CRTC3: variants seen among roughly 807,000 people sequenced by gnomAD.
CRTC3 encodes CREB-regulated transcription coactivator 3.
A neutral mutation model predicts 74.5 loss-of-function variants in CRTC3; 26 were observed. The observed-to-expected ratio is 0.35, with a 90% CI of 0.26 to 0.48. CRTC3 has a LOEUF of 0.48. Among genes scored for constraint, CRTC3 ranks in the 20% least tolerant of loss-of-function variants. The probability of loss-of-function intolerance (pLI) is 0.99; values close to 1 mark genes in which losing one functional copy is unlikely to be tolerated. For synonymous variants in CRTC3, 377 were observed against 325.8 expected (o/e 1.16, Z -1.69); for missense variants, 760 against 787.3 (o/e 0.97, Z 0.41).
intron 11 of CRTC3, among the ~76,000 whole-genome samples, chr15:90,632,543 A>G (rs2151094567): frequency 6.6e-6 from 1 of 152,330 alleles, no homozygotes; most frequent in South Asian, 2.1e-4. Context: ...CCCTCTCGTT[A>G]GGCATATTCC....
intron 4 of CRTC3, among the ~76,000 whole-genome samples, chr15:90,603,959 G>C (rs1240988102): frequency 6.6e-6 from 1 of 152,092 alleles, no homozygotes; most frequent in Non-Finnish European, 1.5e-5. Flanking sequence ...TCCAAGAAAT[G>C]TCTTCTGCTT....
chr15:90,626,796 G>A (rs1968850509), intron 10 of CRTC3, among the ~76,000 whole-genome samples: 1 of 152,106 alleles, frequency 6.6e-6, no homozygotes, highest in Non-Finnish European at 1.5e-5. Context: ...TGTATTTTTA[G>A]TAGAGACAGG....
chr15:90,636,724 C>T lies in CRTC3; in HGVS notation c.1267-1722C>T, dbSNP rs1378527034. 2.0e-5 allele frequency among the ~76,000 whole-genome samples: 3 copies of T among 152,130 alleles called. No individual in the cohort carries two copies. The South Asian group carries it at 6.2e-4, about 32-fold the overall frequency. The stretch of plus-strand genomic sequence containing the variant: ...ATTTACAAGAAAAAAACAAACAACC[C>T]CATCAAAAAGTGGGCGAAGGATATG... On this transcript the variant is annotated intron_variant, in intron 11 of 14. Transcript: ENST00000268184.
At chr15:90,576,218 A>G (rs1466347427) in intron 2 of CRTC3, among the ~76,000 whole-genome samples, 2 of 152,154 alleles carry the variant, frequency 1.3e-5, no homozygotes, top group Non-Finnish European at 2.9e-5. Context: ...AGCCTAGGCA[A>G]CACAATGAGA....
intron 2 of CRTC3, among the ~76,000 whole-genome samples, chr15:90,546,017 CAA>C (rs1966843741): frequency 1.3e-5 from 2 of 152,064 alleles, no homozygotes; most frequent in Admixed American, 1.3e-4. Context: ...TTCATTTTCT[CAA>C]GTCTCGAAGA....
rs1212235702 is a variant in CRTC3, at chr15:90,643,235, G to A, written c.*1095G>A. Reference sequence around the variant, plus strand: ...CAGCGCATGATGAATGAGTGCGTCCGCCATGCCGTAAGGCAGGCTCACCTG... The same window carrying A: ...CAGCGCATGATGAATGAGTGCGTCCACCATGCCGTAAGGCAGGCTCACCTG... On this transcript the variant is annotated 3_prime_UTR_variant, in exon 15 of 15. Coordinates refer to ENST00000268184, the MANE Select transcript of CRTC3 (RefSeq NM_022769.5). The A allele has an allele frequency of 4.3e-6, 1 of 232,388 alleles. No individual in the cohort carries two copies. Among genetic ancestry groups the A allele is most frequent in the Non-Finnish European group, 8.5e-6 (1 of 117,530 alleles). The allele number at this position is 232,388 out of a possible 1,614,324, so 14.4% of individuals were successfully genotyped here.
At chr15:90,541,424 T>C (rs1007404244) in intron 2 of CRTC3, among the ~76,000 whole-genome samples, 2 of 152,164 alleles carry the variant, frequency 1.3e-5, no homozygotes, top group African/African-American at 4.8e-5. Flanking sequence ...TAATGGTGAT[T>C]AGAAAAAGTA....
intron 2 of CRTC3, among the ~76,000 whole-genome samples, chr15:90,591,908 C>A (rs1265632496): frequency 6.6e-6 from 1 of 152,204 alleles, no homozygotes; most frequent in Non-Finnish European, 1.5e-5. Context: ...ATAGAGTATT[C>A]CATTGTCTGA....
At chr15:90,537,457 C>T (rs907394750) in intron 1 of CRTC3, among the ~76,000 whole-genome samples, 2 of 152,220 alleles carry the variant, frequency 1.3e-5, no homozygotes, top group African/African-American at 4.8e-5. Context: ...CATCTCGGCT[C>T]ACGGCAAGCT....
intron 9 of CRTC3, 26 bp from the exon 10 acceptor site, chr15:90,625,750 G>C: frequency 6.3e-7 from 1 of 1,596,288 alleles, no homozygotes. Flanking sequence ...ATTGTAGAAA[G>C]TCATTCTTAA....
In CRTC3 at chr15:90,530,311, C is replaced by T. The variant is rs1966604561; in HGVS notation, c.132+108C>T. 1 of 657,576 alleles carries T rather than the reference C, an allele frequency of 1.5e-6. No homozygotes were observed. The allele number at this position is 657,576 out of a possible 1,614,324, so 40.7% of individuals were successfully genotyped here. ...GGCGATGGCGGGGCCGGGCGGGGGCCGCGCCCGGGAACCGGCGGCTGGGAG... is the reference window on the plus strand; with the variant it reads ...GGCGATGGCGGGGCCGGGCGGGGGCTGCGCCCGGGAACCGGCGGCTGGGAG... On this transcript the variant is annotated intron_variant, in intron 1 of 14. Transcript: ENST00000268184. The surrounding 1 kb of genome is among the most constrained non-coding windows in gnomAD (Gnocchi z 6.2).
At chr15:90,581,437 G>A (rs1967539435) in intron 2 of CRTC3, among the ~76,000 whole-genome samples, 1 of 151,838 alleles carries the variant, frequency 6.6e-6, no homozygotes, top group African/African-American at 2.4e-5. Flanking sequence ...TTGTGACATC[G>A]TATGCTTATT....
At chr15:90,576,357 A>C (rs1462170106) in intron 2 of CRTC3, among the ~76,000 whole-genome samples, 1 of 152,124 alleles carries the variant, frequency 6.6e-6, no homozygotes, top group African/African-American at 2.4e-5. Context: ...GATGACCCCA[A>C]ACTTTCTGGG....
In CRTC3 at chr15:90,533,084, C is replaced by CAAAAAAA. The variant is rs766911510; in HGVS notation, c.132+2912_132+2918dup. 2.1e-4 allele frequency among the ~76,000 whole-genome samples: 4 copies of CAAAAAAA among 18,876 alleles called. 1 individual carries two copies. The highest frequency in any genetic ancestry group is 8.9e-4 in the African/African-American group (4 of 4,482). 12.4% of individuals were successfully genotyped at this position (18,876 alleles called of 152,430 possible). On this transcript the variant is annotated intron_variant, in intron 1 of 14. Transcript: ENST00000268184. ...TGGGCGACAGAGCAAGACTTCATCTCAAAAAAAAAAAAAAAAAAAAAAAAA... is the reference window on the plus strand; with the variant it reads ...TGGGCGACAGAGCAAGACTTCATCTCAAAAAAAAAAAAAAAAAAAAAAAAAAAAAAAA...
chr15:90,554,642 T>TTACC (rs1966874234), intron 2 of CRTC3, among the ~76,000 whole-genome samples: 1 of 152,258 alleles, frequency 6.6e-6, no homozygotes, highest in Non-Finnish European at 1.5e-5. Context: ...GCACTGCTGC[T>TTACC]TACCTATTTA....
intron 2 of CRTC3, among the ~76,000 whole-genome samples, chr15:90,577,545 A>G (rs1200198557): frequency 6.6e-6 from 1 of 152,242 alleles, no homozygotes; most frequent in East Asian, 1.9e-4. Flanking sequence ...GTGTATCAGT[A>G]AGTTACCATT....
In CRTC3 at chr15:90,552,249, G is replaced by A. The variant is rs946393721; in HGVS notation, c.231+12112G>A. On this transcript the variant is annotated intron_variant, in intron 2 of 14. Coordinates refer to ENST00000268184, the MANE Select transcript of CRTC3 (RefSeq NM_022769.5). ...CCATCAACTCTGTGTCCAGTACTGC[G>A]GCCCGAGCAGCCGGCATCTGGCCAC... Among the ~76,000 whole-genome samples the A allele has an allele frequency of 5.3e-5, 8 of 152,154 alleles. No individual in the cohort carries two copies. In the South Asian group the frequency reaches 1.2e-3, roughly 24 times the overall value.
rs1175467073 is a variant in CRTC3, at chr15:90,630,756, ATTTTTTTTTTTTTTTTTTT to A, written c.1266+1238_1266+1256del. Among the ~76,000 whole-genome samples the A allele has an allele frequency of 1.3e-4, 3 of 23,632 alleles. 1 individual carries two copies. The highest frequency in any genetic ancestry group is 2.3e-4 in the Non-Finnish European group (2 of 8,632). 15.5% of individuals were successfully genotyped at this position (23,632 alleles called of 152,430 possible). A position where few individuals can be genotyped will look rare whatever the true frequency, so the allele number is the denominator to read the frequency against. ...CACATCCTCTGTCTATTACAGCATC[ATTTTTTTTTTTTTTTTTTT>A]TTTTTTTTTTTTTGAGACGGAGTCT... On this transcript the variant is annotated intron_variant, in intron 11 of 14. Transcript: ENST00000268184.
chr15:90,603,377 A>G (rs1184455321), intron 4 of CRTC3, among the ~76,000 whole-genome samples: 1 of 151,696 alleles, frequency 6.6e-6, no homozygotes, highest in Non-Finnish European at 1.5e-5. Context: ...CAGGAGGCGG[A>G]GCTTGCAGTG....
Sources: gnomAD v4.1 joint callset for allele counts (sites outside exome capture counted in the v4.1 genomes callset) on GRCh38, gnomAD v4.1.1 for gene constraint, Gnocchi (gnomAD v3.1) non-coding constraint, MANE v1.5 for transcripts, NCBI Gene and HGNC (gene_info 2026-07-23, HGNC 2026-07-21) for gene names.